Variants in RSPO4 observed in about 807,000 individuals in gnomAD.
The protein encoded by RSPO4 is R-spondin-4.
Under a neutral mutation model 24.8 loss-of-function variants are expected in RSPO4, and 23 were observed. The ratio of observed to expected loss-of-function variants is 0.93; its 90% confidence interval spans 0.67 to 1.31. The LOEUF (loss-of-function observed/expected upper bound fraction) is 1.31, where lower values mean the gene tolerates loss of function less well. Among genes scored for constraint, RSPO4 ranks in the 40% most tolerant of loss-of-function variants. The pLI is 0.00. For missense variants in RSPO4, 333 were observed against 316.5 expected (o/e 1.05, Z -0.39); for synonymous variants, 141 against 127.4 (o/e 1.11, Z -0.72).
chr20:986,500 C>G (rs1427539902), intron 1 of RSPO4, among the ~76,000 whole-genome samples: 2 of 151,958 alleles, frequency 1.3e-5, no homozygotes, highest in Admixed American at 1.3e-4. Context: ...GATGGGGAAG[C>G]AGTGATGGGA....
In RSPO4 at chr20:970,607, G is replaced by A. The variant is rs766818856; in HGVS notation, c.80-2469C>T. 6.6e-6 allele frequency among the ~76,000 whole-genome samples: 1 copy of A among 152,130 alleles called. No homozygotes were observed. The highest frequency in any genetic ancestry group is 2.4e-5 in the African/African-American group (1 of 41,412). ...TCTGAGGGCAGAGAGCAAGTGTGAT[G>A]TTGTAAGGGAGATTCCCAGAGCCAG... On this transcript the variant is annotated intron_variant, in intron 1 of 4. Transcript: ENST00000217260. This position sits in a 1 kb window ranked among gnomAD's most constrained non-coding sequence, Gnocchi z 4.1.
At chr20:982,707 C>G (rs146535278) in intron 1 of RSPO4, among the ~76,000 whole-genome samples, 1 of 152,302 alleles carries the variant, frequency 6.6e-6, no homozygotes, top group East Asian at 1.9e-4. Context: ...CTCGCATCCT[C>G]TCTGAGCCTA....
chr20:972,548 C>T (rs1163575591), intron 1 of RSPO4, among the ~76,000 whole-genome samples: 1 of 152,216 alleles, frequency 6.6e-6, no homozygotes, highest in Non-Finnish European at 1.5e-5. Flanking sequence ...TGCAGGAGTG[C>T]AGGCTTAAGA....
chr20:961,943 TC>T, intron 4 of RSPO4, among the ~76,000 whole-genome samples: 1 of 151,710 alleles, frequency 6.6e-6, no homozygotes, highest in Non-Finnish European at 1.5e-5. Flanking sequence ...CACCTAATCA[TC>T]CACCTACCTA....
chr20:974,821 G>A (rs537855906), intron 1 of RSPO4, among the ~76,000 whole-genome samples: 4 of 152,200 alleles, frequency 2.6e-5, no homozygotes, highest in African/African-American at 9.7e-5. Context: ...AGAGTCATCT[G>A]TGCATGTGGA....
intron 1 of RSPO4, among the ~76,000 whole-genome samples, chr20:977,683 T>C (rs1220155215): frequency 6.6e-6 from 1 of 152,136 alleles, no homozygotes; most frequent in African/African-American, 2.4e-5. Context: ...GAGAACATCA[T>C]GTCATGGTGA....
At chr20:961,482 T>C (rs1169609862) in intron 4 of RSPO4, among the ~76,000 whole-genome samples, 5 of 152,182 alleles carry the variant, frequency 3.3e-5, no homozygotes, top group Admixed American at 1.3e-4. Context: ...GGGCTGTGGC[T>C]CCAGTCCTGG....
chr20:960,199 G>C lies in RSPO4; in HGVS notation c.*158C>G. The C allele has an allele frequency of 1.6e-6, 1 of 609,962 alleles. No individual in the cohort carries two copies. Among genetic ancestry groups the C allele is most frequent in the African/African-American group, 1.9e-5 (1 of 54,026 alleles). 37.8% of individuals were successfully genotyped at this position (609,962 alleles called of 1,614,324 possible). On this transcript the variant is annotated 3_prime_UTR_variant, in exon 5 of 5. Coordinates refer to ENST00000217260, the MANE Select transcript of RSPO4 (RefSeq NM_001029871.4). ...AAAGGAAATAAAAAAGAAAAAGAAA[G>C]GGAAGGTAGACTGACAGAAAAATGA...
intron 4 of RSPO4, among the ~76,000 whole-genome samples, chr20:963,446 G>A (rs915873949): frequency 2.6e-5 from 4 of 152,142 alleles, no homozygotes; most frequent in Non-Finnish European, 1.5e-5. Flanking sequence ...ATGTGGCCAC[G>A]TACTTGGGGC....
rs549138091 is a variant in RSPO4 at position 960,300 on chromosome 20, C to G, written c.*57G>C. On this transcript the variant is annotated 3_prime_UTR_variant, in exon 5 of 5. Transcript: ENST00000217260. ...AGTAAGAGGAGAGGAGGAGAAGGAGCAGGAGGAGGTGTGCAGGGGCCGAGG... is the reference window on the plus strand; with the variant it reads ...AGTAAGAGGAGAGGAGGAGAAGGAGGAGGAGGAGGTGTGCAGGGGCCGAGG... The G allele has an allele frequency of 9.4e-7, 1 of 1,065,436 alleles. No homozygotes were observed. Among genetic ancestry groups the G allele is most frequent in the South Asian group, 1.3e-5 (1 of 74,620 alleles). 66.0% of individuals were successfully genotyped at this position (1,065,436 alleles called of 1,614,324 possible).
At chr20:993,653 A>G (rs1315553245) in intron 1 of RSPO4, among the ~76,000 whole-genome samples, 1 of 152,230 alleles carries the variant, frequency 6.6e-6, no homozygotes, top group Admixed American at 6.5e-5. Context: ...TTATGGACTC[A>G]GGCTTTGGAA....
chr20:997,392 C>CA (rs1474910402), intron 1 of RSPO4, among the ~76,000 whole-genome samples: 43 of 152,316 alleles, frequency 2.8e-4, no homozygotes, highest in African/African-American at 9.4e-4. Context: ...AAATGGAGCT[C>CA]AATTGATTGA....
intron 1 of RSPO4, among the ~76,000 whole-genome samples, chr20:986,158 C>A (rs1019966178): frequency 6.6e-6 from 1 of 152,168 alleles, no homozygotes; most frequent in Non-Finnish European, 1.5e-5. Flanking sequence ...AGGTCAAGCT[C>A]GTGCTCCTTG....
rs538562386 is a variant in RSPO4 at position 970,488 on chromosome 20, A to G, written c.80-2350T>C. Among the ~76,000 whole-genome samples, 19 of 152,252 alleles carry G rather than the reference A, an allele frequency of 1.2e-4. No individual in the cohort carries two copies. Among genetic ancestry groups the G allele is most frequent in the African/African-American group, 4.6e-4 (19 of 41,550 alleles). Reference sequence around the variant, plus strand: ...GATGCTGTTCCCAAGCAAAGTTGGCATTGCCCTCAATTTTCTTGCCCTGGG... The same window carrying G: ...GATGCTGTTCCCAAGCAAAGTTGGCGTTGCCCTCAATTTTCTTGCCCTGGG... On this transcript the variant is annotated intron_variant, in intron 1 of 4. Coordinates refer to ENST00000217260, the MANE Select transcript of RSPO4 (RefSeq NM_001029871.4). The surrounding 1 kb of genome is among the most constrained non-coding windows in gnomAD (Gnocchi z 4.1).
At chr20:967,006 C>T (rs1447568932) in intron 3 of RSPO4, among the ~76,000 whole-genome samples, 168 bp downstream of exon 3, 2 of 152,218 alleles carry the variant, frequency 1.3e-5, no homozygotes, top group Non-Finnish European at 2.9e-5. Context: ...TAGTGTTTTG[C>T]AGTTACTATG....
In RSPO4 at chr20:960,024, G is replaced by A; in HGVS notation, c.*333C>T. ...CCTCTTAAAGTGTGTGTGAGAGGGA[G>A]ACAAGAGGAGGGAGAGAGAGAAGGA... is the stretch of plus-strand genomic sequence containing the variant. On this transcript the variant is annotated 3_prime_UTR_variant, in exon 5 of 5. Transcript: ENST00000217260. 1 of 401,074 alleles carries A rather than the reference G, an allele frequency of 2.5e-6. No homozygotes were observed. The highest frequency in any genetic ancestry group is 5.2e-5 in the East Asian group (1 of 19,410). 24.8% of individuals were successfully genotyped at this position (401,074 alleles called of 1,614,324 possible).
intron 1 of RSPO4, among the ~76,000 whole-genome samples, chr20:983,852 C>A (rs886828429): frequency 6.6e-6 from 1 of 152,060 alleles, no homozygotes; most frequent in Admixed American, 6.6e-5. Flanking sequence ...TCTGGTCTTG[C>A]GGACAAGGAA....
chr20:991,931 T>C (rs1409160615), intron 1 of RSPO4, among the ~76,000 whole-genome samples: 1 of 152,072 alleles, frequency 6.6e-6, no homozygotes, highest in East Asian at 1.9e-4. Context: ...TCTTGCTAGA[T>C]GGATGCTGAT....
Position 963,929 on chromosome 20 carries a change from G to A in RSPO4, c.595+6C>T. 1.2e-6 allele frequency: 2 copies of A among 1,613,424 alleles called. No individual in the cohort carries two copies. The highest frequency in any genetic ancestry group is 8.5e-7 in the Non-Finnish European group (1 of 1,179,974). On this transcript the variant is annotated splice_donor_region_variant and intron_variant, in intron 4 of 4. Coordinates refer to ENST00000217260, the MANE Select transcript of RSPO4 (RefSeq NM_001029871.4). The stretch of plus-strand genomic sequence containing the variant: ...CGCAGCCTCGTGTGCCTGTCCTGGG[G>A]CTCACCTCCTGGGCAGGGCCTCTGG...
Sources: allele counts gnomAD v4.1 joint callset (sites outside exome capture counted in the v4.1 genomes callset), GRCh38; gene constraint gnomAD v4.1.1; non-coding constraint Gnocchi (gnomAD v3.1); transcripts MANE v1.5; gene names NCBI Gene and HGNC (gene_info 2026-07-23, HGNC 2026-07-21).